The following RRM1 variants were observed in gnomAD, a reference collection of about 807,000 sequenced individuals.
RRM1 encodes ribonucleotide reductase catalytic subunit M1.
Under a neutral mutation model 101.5 loss-of-function variants are expected in RRM1, and 19 were observed. The observed-to-expected ratio is 0.19, with a 90% CI of 0.13 to 0.27. The LOEUF (loss-of-function observed/expected upper bound fraction) is 0.27, where lower values mean the gene tolerates loss of function less well. RRM1 is among the 10% of genes least tolerant of loss of function. The pLI is 1.00. For missense variants in RRM1, 500 were observed against 962.9 expected (o/e 0.52, Z 6.36); for synonymous variants, 298 against 323.4 (o/e 0.92, Z 0.84).
intron 8 of RRM1, 52 bp downstream of exon 8, chr11:4,118,513 CAG>C (rs1319229439): frequency 6.2e-7 from 1 of 1,604,044 alleles, no homozygotes; most frequent in Admixed American, 1.7e-5. Context: ...TAAAAGCAAA[CAG>C]ATTCATGGTT....
chr11:4,098,815 G>A (rs996897394), intron 1 of RRM1, among the ~76,000 whole-genome samples: 2 of 152,264 alleles, frequency 1.3e-5, no homozygotes, highest in Middle Eastern at 3.4e-3. Context: ...ATAATAATCA[G>A]TTAATTTCAG....
chr11:4,114,706 T>C (rs2094570341), intron 7 of RRM1, among the ~76,000 whole-genome samples: 1 of 152,182 alleles, frequency 6.6e-6, no homozygotes. Context: ...GTGTAGTCCA[T>C]CGTTGACTTT....
chr11:4,115,397 G>T (rs2094571466), intron 7 of RRM1, among the ~76,000 whole-genome samples: 1 of 151,840 alleles, frequency 6.6e-6, no homozygotes, highest in Non-Finnish European at 1.5e-5. Context: ...GTGATGTAAA[G>T]ATGGAGGGAG....
At position 4,135,066 on chromosome 11, in the gene RRM1, G is replaced by A. The variant is rs1464907766; in HGVS notation, c.2002-16G>A. On this transcript the variant is annotated splice_polypyrimidine_tract_variant and intron_variant, in intron 17 of 18. Coordinates refer to ENST00000300738, the MANE Select transcript of RRM1 (RefSeq NM_001033.5). ...TTTAACTGGAGTAAAGTAAACATTG[G>A]GTTTTCCTTCTTTAGAGCATACCAG... is the stretch of plus-strand genomic sequence containing the variant. 3 of 1,577,980 alleles carry A rather than the reference G, an allele frequency of 1.9e-6. No individual in the cohort carries two copies. Among genetic ancestry groups the A allele is most frequent in the Admixed American group, 1.7e-5 (1 of 57,166 alleles).
intron 1 of RRM1, among the ~76,000 whole-genome samples, chr11:4,099,117 C>T (rs1004814052): frequency 6.6e-6 from 1 of 152,020 alleles, no homozygotes. Context: ...GAGGAAATCA[C>T]ACTAGTATGC....
rs189819262 is a variant in RRM1, at chr11:4,116,513, A to T, written c.651-1807A>T. On this transcript the variant is annotated intron_variant, in intron 7 of 18. Transcript: ENST00000300738. ...AAGCTGAGGCATGAGAATCATTTGA[A>T]CCTGGGAGACGGAGCTTGCAGTGAG... Among the ~76,000 whole-genome samples the T allele has an allele frequency of 3.0e-3, 453 of 151,646 alleles. 2 individuals are homozygous for T. The highest frequency in any genetic ancestry group is 3.5e-3 in the Middle Eastern group (1 of 288).
At chr11:4,117,881 T>C (rs1200762040) in intron 7 of RRM1, among the ~76,000 whole-genome samples, 1 of 152,210 alleles carries the variant, frequency 6.6e-6, no homozygotes, top group Non-Finnish European at 1.5e-5. Flanking sequence ...AAAGGAGCTA[T>C]GATTTTGGTA....
chr11:4,125,999 A>G (rs1265211628), intron 12 of RRM1, among the ~76,000 whole-genome samples: 2 of 152,220 alleles, frequency 1.3e-5, no homozygotes, highest in Non-Finnish European at 2.9e-5. Flanking sequence ...TATTCATTCA[A>G]CATTATCAAG....
intron 7 of RRM1, among the ~76,000 whole-genome samples, chr11:4,114,566 A>G (rs2094570133): frequency 6.6e-6 from 1 of 151,522 alleles, no homozygotes; most frequent in Non-Finnish European, 1.5e-5. Flanking sequence ...AAAAAAAAAA[A>G]GGAATATGAA....
chr11:4,121,470 A>G (rs1363893599), intron 9 of RRM1, 134 bp from the exon 10 acceptor site: 1 of 545,376 alleles, frequency 1.8e-6, no homozygotes, highest in East Asian at 3.3e-5. Flanking sequence ...TTACACTTTT[A>G]TAATACTTTT....
intron 1 of RRM1, among the ~76,000 whole-genome samples, chr11:4,098,992 C>T (rs1210847920): frequency 6.6e-6 from 1 of 152,108 alleles, no homozygotes; most frequent in African/African-American, 2.4e-5. Flanking sequence ...CCTGAACATT[C>T]TCGGCAGAGG....
intron 18 of RRM1, chr11:4,137,245 C>A: frequency 7.8e-6 from 2 of 254,976 alleles, no homozygotes; most frequent in South Asian, 3.7e-5. Context: ...TCCACAAAGC[C>A]GCCATTGTCA....
At chr11:4,098,900 A>G (rs751353427) in intron 1 of RRM1, among the ~76,000 whole-genome samples, 1 of 152,248 alleles carries the variant, frequency 6.6e-6, no homozygotes, top group Non-Finnish European at 1.5e-5. Flanking sequence ...TGGATTGGGT[A>G]GCCAGGAAAG....
intron 1 of RRM1, among the ~76,000 whole-genome samples, chr11:4,097,367 A>G (rs140866605): frequency 2.4e-3 from 361 of 151,540 alleles, no homozygotes; most frequent in African/African-American, 8.1e-3. Flanking sequence ...TTCATAGAGC[A>G]CAATTTGATC....
chr11:4,136,435 G>T (rs1224512187), intron 18 of RRM1, among the ~76,000 whole-genome samples: 1 of 152,068 alleles, frequency 6.6e-6, no homozygotes, highest in Non-Finnish European at 1.5e-5. Context: ...GGCCAGGCTG[G>T]TCTCAAACTC....
At chr11:4,131,256 T>C (rs934861990) in intron 15 of RRM1, among the ~76,000 whole-genome samples, 2 of 152,188 alleles carry the variant, frequency 1.3e-5, no homozygotes, top group African/African-American at 2.4e-5. Context: ...CACTATCTCA[T>C]GAGAACAGCA....
intron 12 of RRM1, among the ~76,000 whole-genome samples, chr11:4,124,067 T>A (rs2094585863): frequency 6.6e-6 from 1 of 152,184 alleles, no homozygotes; most frequent in Non-Finnish European, 1.5e-5. Context: ...CAAGTAAGTC[T>A]GTTTTGATGG....
At chr11:4,135,463 G>A (rs966301737) in intron 18 of RRM1, among the ~76,000 whole-genome samples, 193 bp downstream of exon 18, 1 of 152,158 alleles carries the variant, frequency 6.6e-6, no homozygotes, top group Non-Finnish European at 1.5e-5. Context: ...GTTTCTGTTA[G>A]GTTTATTTCC....
At chr11:4,123,430 G>A (rs755704963) in intron 12 of RRM1, 46 bp downstream of exon 12, 1 of 1,472,020 alleles carries the variant, frequency 6.8e-7, no homozygotes, top group African/African-American at 1.4e-5. Flanking sequence ...GAGAACCTTA[G>A]GCAGTTATTA....
Sources: gnomAD v4.1 joint callset for allele counts (sites outside exome capture counted in the v4.1 genomes callset) on GRCh38, gnomAD v4.1.1 for gene constraint, MANE v1.5 for transcripts, NCBI Gene and HGNC (gene_info 2026-07-23, HGNC 2026-07-21) for gene names.